ATP9A: variants seen among roughly 807,000 people sequenced by gnomAD.
ATP9A encodes the protein ATPase phospholipid transporting 9A.
A neutral mutation model predicts 144.1 loss-of-function variants in ATP9A; 52 were observed. The observed-to-expected ratio is 0.36, with a 90% CI of 0.29 to 0.45. The LOEUF (loss-of-function observed/expected upper bound fraction) is 0.45, where lower values mean the gene tolerates loss of function less well. Among genes scored for constraint, ATP9A ranks in the 20% least tolerant of loss-of-function variants. ATP9A has a pLI of 1.00. For missense variants in ATP9A, 947 were observed against 1,392.7 expected (o/e 0.68, Z 5.09); for synonymous variants, 582 against 557.4 (o/e 1.04, Z -0.62).
Position 51,611,923 on chromosome 20 carries a change from A to T in ATP9A, c.2571+1754T>A, listed in dbSNP as rs1159980506. ...ACCCCCAAAAAACTGGGGTGTAGCCAGTGGACGGAAAATTCTCATGTACCC... is the reference window on the plus strand; with the variant it reads ...ACCCCCAAAAAACTGGGGTGTAGCCTGTGGACGGAAAATTCTCATGTACCC... On this transcript the variant is annotated intron_variant, in intron 23 of 27. Coordinates refer to ENST00000338821, the MANE Select transcript of ATP9A (RefSeq NM_006045.3). This position sits in a 1 kb window ranked among gnomAD's most constrained non-coding sequence, Gnocchi z 4.2. Among the ~76,000 whole-genome samples, 1 of 152,254 alleles carries T rather than the reference A, an allele frequency of 6.6e-6. No individual in the cohort carries two copies. The highest frequency in any genetic ancestry group is 1.5e-5 in the Non-Finnish European group (1 of 68,042).
chr20:51,723,659 C>T (rs1395151282), intron 3 of ATP9A, among the ~76,000 whole-genome samples: 4 of 148,852 alleles, frequency 2.7e-5, no homozygotes, highest in Non-Finnish European at 5.9e-5. Context: ...CGGATTCAAG[C>T]GATTCTCCTG....
chr20:51,626,431 G>C (rs1288550284), intron 17 of ATP9A, among the ~76,000 whole-genome samples: 1 of 151,846 alleles, frequency 6.6e-6, no homozygotes, highest in Non-Finnish European at 1.5e-5. Flanking sequence ...AGAGGTTGCA[G>C]TGAGCAGAGA....
intron 9 of ATP9A, among the ~76,000 whole-genome samples, chr20:51,687,410 G>A (rs73267793): frequency 0.1 from 15,473 of 152,194 alleles, 1,380 homozygotes; most frequent in African/African-American, 0.24. Flanking sequence ...GATAGTTTGT[G>A]CTGCTTCATT....
chr20:51,753,543 CAG>C (rs917014329), intron 1 of ATP9A, among the ~76,000 whole-genome samples: 4 of 152,114 alleles, frequency 2.6e-5, no homozygotes, highest in African/African-American at 7.2e-5. Context: ...CAGAAACAAA[CAG>C]GAAGAAAACA....
chr20:51,629,169 T>TGTC, intron 15 of ATP9A, 97 bp from the exon 16 acceptor site: 1 of 890,486 alleles, frequency 1.1e-6, no homozygotes, highest in Non-Finnish European at 1.7e-6. Context: ...CAAAGTGCAC[T>TGTC]TAACAGACAC....
At chr20:51,635,223 T>G (rs2077285866) in intron 15 of ATP9A, among the ~76,000 whole-genome samples, 2 of 152,132 alleles carry the variant, frequency 1.3e-5, no homozygotes, top group African/African-American at 4.8e-5. Context: ...GCACTGAGGG[T>G]GGCCTCTGGC....
chr20:51,694,697 C>T (rs957406593), intron 6 of ATP9A, among the ~76,000 whole-genome samples: 1 of 152,174 alleles, frequency 6.6e-6, no homozygotes, highest in Non-Finnish European at 1.5e-5. Context: ...AGCACTAGGT[C>T]ATTATGGGCT....
intron 8 of ATP9A, among the ~76,000 whole-genome samples, chr20:51,690,109 CAAAAAAAAAAAAA>C (rs796336088): frequency 0.014 from 847 of 59,940 alleles, 16 homozygotes; most frequent in African/African-American, 0.052. Flanking sequence ...GAGACCGTCT[CAAAAAAAAAAAAA>C]AAAAAAAAAA....
chr20:51,673,689 A>G (rs1283519133), intron 11 of ATP9A, among the ~76,000 whole-genome samples: 1 of 152,148 alleles, frequency 6.6e-6, no homozygotes, highest in Non-Finnish European at 1.5e-5. Flanking sequence ...TTCTGGTGCT[A>G]GAGCCTCAGT....
At chr20:51,710,147 C>CA (rs1178770515) in intron 4 of ATP9A, among the ~76,000 whole-genome samples, 2 of 151,894 alleles carry the variant, frequency 1.3e-5, no homozygotes, top group African/African-American at 4.8e-5. Context: ...ACTAAAAATA[C>CA]AAAAAATTAG....
At chr20:51,627,330 G>A (rs1049725107) in intron 17 of ATP9A, among the ~76,000 whole-genome samples, 6 of 152,200 alleles carry the variant, frequency 3.9e-5, no homozygotes, top group African/African-American at 1.4e-4. Flanking sequence ...GTGAGAAGGA[G>A]CCTTAGACAG....
intron 14 of ATP9A, among the ~76,000 whole-genome samples, chr20:51,645,798 C>T (rs1016101018): frequency 2.0e-5 from 3 of 152,186 alleles, no homozygotes; most frequent in African/African-American, 7.2e-5. Context: ...GCTGAGATAA[C>T]TGCATTCCCT....
intron 1 of ATP9A, among the ~76,000 whole-genome samples, chr20:51,756,916 G>GTT (rs1007642435): frequency 6.7e-6 from 1 of 149,288 alleles, no homozygotes; most frequent in Admixed American, 6.7e-5. Flanking sequence ...TTTCGGTTTT[G>GTT]TTTTTTTTTT....
chr20:51,758,736 A>C (rs574366578), intron 1 of ATP9A, among the ~76,000 whole-genome samples: 1 of 152,226 alleles, frequency 6.6e-6, no homozygotes, highest in Admixed American at 6.5e-5. Flanking sequence ...ACCAGCCTGC[A>C]GAACATGGTG....
intron 15 of ATP9A, among the ~76,000 whole-genome samples, chr20:51,634,990 G>A (rs1555830830): frequency 6.6e-6 from 1 of 150,578 alleles, no homozygotes; most frequent in Non-Finnish European, 1.5e-5. Flanking sequence ...GGCTCGCAAT[G>A]CCCCCCACCT....
intron 15 of ATP9A, 34 bp downstream of exon 15, chr20:51,639,309 T>G: frequency 6.3e-7 from 1 of 1,583,992 alleles, no homozygotes; most frequent in Non-Finnish European, 8.6e-7. Context: ...CTGGGGTACT[T>G]AAGCACTTTA....
At chr20:51,610,935 T>C (rs920153212) in intron 23 of ATP9A, among the ~76,000 whole-genome samples, 13 of 152,148 alleles carry the variant, frequency 8.5e-5, no homozygotes, top group Non-Finnish European at 1.3e-4. Context: ...GCTTCCTGCT[T>C]TGGAAAATAT....
At position 51,629,033 on chromosome 20, in the gene ATP9A, C is replaced by T. The variant is rs1219285807; in HGVS notation, c.1708G>A (p.Ala570Thr). The T allele has an allele frequency of 6.2e-7, 1 of 1,614,182 alleles. No individual in the cohort carries two copies. Among genetic ancestry groups the T allele is most frequent in the Admixed American group, 1.7e-5 (1 of 60,032 alleles). ...ACAATGCCAGCCATGACCACATCTG[C>T]TCCCTTCATGTAAAACGTAATTTCT... The part of the protein sequence containing the change: ...TGEITFYMKG[A>T]DVVMAGIVQY... The change falls in exon 16 of 28, where the codon GCA (alanine) becomes ACA (threonine). Residue 570 changes from alanine (A) to threonine (T), a missense_variant. Ala to Thr is a moderately conservative substitution (Grantham distance 58). Transcript: ENST00000338821.
At chr20:51,749,926 A>C (rs2077824332) in intron 1 of ATP9A, among the ~76,000 whole-genome samples, 1 of 152,022 alleles carries the variant, frequency 6.6e-6, no homozygotes, top group South Asian at 2.1e-4. Flanking sequence ...AGATGGCCTG[A>C]GCTCAGGAGT....
Sources: allele counts gnomAD v4.1 joint callset (sites outside exome capture counted in the v4.1 genomes callset), GRCh38; gene constraint gnomAD v4.1.1; non-coding constraint Gnocchi (gnomAD v3.1); transcripts MANE v1.5; gene names NCBI Gene and HGNC (gene_info 2026-07-23, HGNC 2026-07-21).